PALM2AKAP2: variants seen among roughly 807,000 people sequenced by gnomAD.
PALM2AKAP2 encodes the protein PALM2-AKAP2 fusion protein.
In PALM2AKAP2, 37 loss-of-function variants were observed where a neutral mutation model predicts 71.5. The observed-to-expected ratio is 0.52, with a 90% confidence interval of 0.40 to 0.68. The LOEUF (loss-of-function observed/expected upper bound fraction) is 0.68. PALM2AKAP2 is among the 30% of genes least tolerant of loss of function. The pLI is 0.00. For synonymous variants in PALM2AKAP2, 468 were observed against 478.8 expected (o/e 0.98, Z 0.29); for missense variants, 1,224 against 1,191.8 (o/e 1.03, Z -0.40).
intron 6 of PALM2AKAP2, among the ~76,000 whole-genome samples, chr9:109,972,467 G>A (rs1191481988): frequency 1.3e-5 from 2 of 152,200 alleles, no homozygotes; most frequent in African/African-American, 4.8e-5. Context: ...GGATGAACGT[G>A]GGAGACAGCA....
intron 3 of PALM2AKAP2, among the ~76,000 whole-genome samples, chr9:109,923,183 A>G (rs559379957): frequency 6.6e-6 from 1 of 152,316 alleles, no homozygotes; most frequent in Non-Finnish European, 1.5e-5. Context: ...TCCAAAAGGC[A>G]GGGGCAGTTG....
intron 1 of PALM2AKAP2, among the ~76,000 whole-genome samples, chr9:110,100,235 T>C (rs1486970844): frequency 2.0e-5 from 3 of 151,862 alleles, no homozygotes; most frequent in Non-Finnish European, 4.4e-5. Context: ...TTATTGGGCT[T>C]AGGAAAAGGT....
chr9:109,724,604 C>A (rs1020684713), intron 1 of PALM2AKAP2, among the ~76,000 whole-genome samples: 14 of 152,174 alleles, frequency 9.2e-5, no homozygotes, highest in African/African-American at 2.9e-4. Context: ...TGATAGCTCA[C>A]ATTTATTGAG....
chr9:109,988,774 G>C (rs1021986188), intron 6 of PALM2AKAP2, among the ~76,000 whole-genome samples: 2 of 152,274 alleles, frequency 1.3e-5, no homozygotes, highest in South Asian at 4.1e-4. Context: ...AATGTGGTTT[G>C]GTTGTATCCC....
chr9:110,019,026 G>A (rs1464987151), intron 7 of PALM2AKAP2, among the ~76,000 whole-genome samples: 2 of 152,056 alleles, frequency 1.3e-5, no homozygotes, highest in African/African-American at 2.4e-5. Flanking sequence ...TGGATCACAA[G>A]GTCAGGAGAT....
rs560616014 is a variant in PALM2AKAP2 at position 109,763,902 on chromosome 9, A to G, written c.6-16586A>G. Reference sequence around the variant, plus strand: ...TTAAATCTCTTTCTCTTATGAAGACATTGGTTATTGGGTTTAGGTCCCACC... The same window carrying G: ...TTAAATCTCTTTCTCTTATGAAGACGTTGGTTATTGGGTTTAGGTCCCACC... On this transcript the variant is annotated intron_variant, in intron 1 of 6. Coordinates refer to the PALM2AKAP2 transcript ENST00000374531. 1.1e-4 allele frequency among the ~76,000 whole-genome samples: 17 copies of G among 152,150 alleles called. No individual in the cohort carries two copies. In the South Asian group the frequency reaches 3.5e-3, roughly 32 times the overall value.
intron 1 of PALM2AKAP2, among the ~76,000 whole-genome samples, chr9:109,734,072 C>T (rs1324176976): frequency 6.6e-6 from 1 of 152,110 alleles, no homozygotes; most frequent in African/African-American, 2.4e-5. Context: ...TAAAGTAAGC[C>T]CGAGGGGGAG....
chr9:110,071,963 G>T (rs2118604625), intron 1 of PALM2AKAP2, among the ~76,000 whole-genome samples: 1 of 152,282 alleles, frequency 6.6e-6, no homozygotes, highest in East Asian at 1.9e-4. Flanking sequence ...TTTATAGATA[G>T]TTCAGACAGT....
chr9:110,158,432 G>A (rs1836513350), intron 3 of PALM2AKAP2, among the ~76,000 whole-genome samples: 1 of 152,178 alleles, frequency 6.6e-6, no homozygotes, highest in Non-Finnish European at 1.5e-5. Context: ...TGTCACTTGT[G>A]TATGTCTTTT....
chr9:110,028,837 C>T (rs1234421952), intron 7 of PALM2AKAP2, among the ~76,000 whole-genome samples: 1 of 150,952 alleles, frequency 6.6e-6, no homozygotes, highest in Non-Finnish European at 1.5e-5. Flanking sequence ...TTTTATTTGC[C>T]AAGTCCAGTG....
chr9:109,951,031 G>A (rs1016770327), intron 6 of PALM2AKAP2, among the ~76,000 whole-genome samples: 1 of 152,160 alleles, frequency 6.6e-6, no homozygotes, highest in African/African-American at 2.4e-5. Flanking sequence ...CTGGCAGGTG[G>A]GAAGAGTTCT....
At chr9:109,707,694 G>A (rs908127343) in intron 1 of PALM2AKAP2, among the ~76,000 whole-genome samples, 8 of 152,108 alleles carry the variant, frequency 5.3e-5, no homozygotes, top group South Asian at 2.1e-4. Flanking sequence ...ATAGCCTTCC[G>A]ATCAGTTCCT....
chr9:109,896,816 A>G (rs1317874176), intron 3 of PALM2AKAP2, among the ~76,000 whole-genome samples: 1 of 152,158 alleles, frequency 6.6e-6, no homozygotes, highest in Non-Finnish European at 1.5e-5. Context: ...GTCTCCAAAA[A>G]ATAATTAATT....
chr9:110,000,534 G>C (rs1832663883), intron 6 of PALM2AKAP2, among the ~76,000 whole-genome samples: 1 of 152,128 alleles, frequency 6.6e-6, no homozygotes, highest in African/African-American at 2.4e-5. Context: ...ACCCAATAAT[G>C]GGATGGCTGG....
intron 1 of PALM2AKAP2, among the ~76,000 whole-genome samples, chr9:109,683,632 A>G (rs550347376): frequency 1.5e-3 from 221 of 152,264 alleles, no homozygotes; most frequent in African/African-American, 5.0e-3. Flanking sequence ...AGCCCTAGGA[A>G]TCAAATATGC....
intron 4 of PALM2AKAP2, among the ~76,000 whole-genome samples, chr9:109,924,364 C>G (rs1966237): frequency 6.6e-6 from 1 of 151,836 alleles, no homozygotes; most frequent in Non-Finnish European, 1.5e-5. Flanking sequence ...TTTGGGAGGC[C>G]GGGGCGGGTG....
At chr9:109,869,653 C>CCATCCATCCATCCATCCAT (rs1275157209) in intron 2 of PALM2AKAP2, among the ~76,000 whole-genome samples, 1 of 151,864 alleles carries the variant, frequency 6.6e-6, no homozygotes, top group African/African-American at 2.4e-5. Context: ...ATCCATCTTT[C>CCATCCATCCATCCATCCAT]CATCCATCCA....
intron 1 of PALM2AKAP2, among the ~76,000 whole-genome samples, chr9:109,712,738 A>G (rs914042685): frequency 2.6e-5 from 4 of 152,108 alleles, no homozygotes; most frequent in African/African-American, 9.7e-5. Flanking sequence ...GAGATCCCAT[A>G]CCCATCTCAC....
At position 110,083,949 on chromosome 9, in the gene PALM2AKAP2, A is replaced by C. The variant is rs375392963; in HGVS notation, c.156+35094A>C. 5.1e-4 allele frequency among the ~76,000 whole-genome samples: 77 copies of C among 152,372 alleles called. 1 individual carries two copies. The highest frequency in any genetic ancestry group is 1.4e-3 in the African/African-American group (58 of 41,600). ...GAAAGAAAACTACCAGCGGTAGAGC[A>C]AATGGGATATCCAACCTGAGAGAGG... On this transcript the variant is annotated intron_variant, in intron 1 of 3. Coordinates refer to ENST00000374525, the Ensembl canonical transcript of PALM2AKAP2.
Sources: allele counts gnomAD v4.1 joint callset (sites outside exome capture counted in the v4.1 genomes callset), GRCh38; gene constraint gnomAD v4.1.1; transcripts MANE v1.5; gene names NCBI Gene and HGNC (gene_info 2026-07-23, HGNC 2026-07-21).